Variants in CMTM8 observed in about 807,000 individuals in gnomAD.
CMTM8 encodes the protein CKLF like MARVEL transmembrane domain containing 8.
CMTM8 carries 12 observed loss-of-function variants against 18.6 expected under a neutral mutation model. The observed-to-expected ratio is 0.65, with a 90% confidence interval of 0.41 to 1.05. The LOEUF (loss-of-function observed/expected upper bound fraction) is 1.05. Ranked by LOEUF, CMTM8 falls within the 50% of genes least tolerant of loss-of-function variation. CMTM8 has a pLI of 0.00. For synonymous variants in CMTM8, 87 were observed against 90.6 expected (o/e 0.96, Z 0.23); for missense variants, 217 against 227.2 (o/e 0.95, Z 0.29).
intron 1 of CMTM8, among the ~76,000 whole-genome samples, chr3:32,272,312 T>G (rs1702451355): frequency 6.6e-6 from 1 of 152,210 alleles, no homozygotes; most frequent in African/African-American, 2.4e-5. Flanking sequence ...TATTTATCCT[T>G]GGGTTTGGTT....
At chr3:32,246,441 A>G (rs1227819944) in intron 1 of CMTM8, among the ~76,000 whole-genome samples, 4 of 152,042 alleles carry the variant, frequency 2.6e-5, no homozygotes, top group South Asian at 4.1e-4. Context: ...CCTGAGTTTG[A>G]TAACTATTCG....
intron 1 of CMTM8, among the ~76,000 whole-genome samples, chr3:32,323,872 A>G (rs1696107080): frequency 6.6e-6 from 1 of 152,236 alleles, no homozygotes; most frequent in South Asian, 2.1e-4. Flanking sequence ...TAATGGTGAT[A>G]CTTAGGACGC....
chr3:32,357,492 T>C lies in CMTM8; in HGVS notation c.267T>C (p.Ile89=). The C allele has an allele frequency of 6.2e-7, 1 of 1,614,116 alleles. No homozygotes were observed. The highest frequency in any genetic ancestry group is 8.5e-7 in the Non-Finnish European group (1 of 1,180,030). ...GGGTCCTCACCGTCTTCTTCCTCAT[T>C]ATCTACATAACAATGACCTACACCA... is the stretch of plus-strand genomic sequence containing the variant. The part of the protein sequence containing the change: ...FYWVLTVFFL[I]IYITMTYTRI... The change falls in exon 2 of 4, where the codon ATT becomes ATC. Residue 89 remains isoleucine, a synonymous_variant. Transcript: ENST00000307526.
intron 2 of CMTM8, among the ~76,000 whole-genome samples, chr3:32,366,092 T>C (rs1227496926): frequency 2.0e-5 from 3 of 152,066 alleles, no homozygotes; most frequent in Non-Finnish European, 4.4e-5. Context: ...CTTTTGGGAG[T>C]GTTAAACAAG....
At chr3:32,346,813 T>C (rs1291308518) in intron 1 of CMTM8, among the ~76,000 whole-genome samples, 1 of 92,084 alleles carries the variant, frequency 1.1e-5, no homozygotes, top group East Asian at 5.0e-4. Flanking sequence ...ATGTTATAAT[T>C]CTTTTTTTTT....
chr3:32,290,219 AAT>A (rs1474918714), intron 1 of CMTM8, among the ~76,000 whole-genome samples: 5 of 152,260 alleles, frequency 3.3e-5, no homozygotes, highest in African/African-American at 1.2e-4. Flanking sequence ...ATGATTGCTT[AAT>A]ATAAGTCATA....
rs193202781 is a variant in CMTM8 at position 32,292,823 on chromosome 3, C to T, written c.147+53704C>T. ...ATGTCTCCAGATGTTGCCAAATGCT[C>T]TGTGAAGGGCAAAATCACCTGTAGT... is the stretch of plus-strand genomic sequence containing the variant. On this transcript the variant is annotated intron_variant, in intron 1 of 3. Transcript: ENST00000307526. 2.1e-3 allele frequency among the ~76,000 whole-genome samples: 313 copies of T among 152,166 alleles called. 1 individual carries two copies. Among genetic ancestry groups the T allele is most frequent in the Non-Finnish European group, 3.6e-3 (247 of 68,012 alleles).
intron 1 of CMTM8, among the ~76,000 whole-genome samples, chr3:32,348,491 T>C (rs921790326): frequency 2.0e-5 from 3 of 147,560 alleles, no homozygotes; most frequent in African/African-American, 7.5e-5. Flanking sequence ...AGTAGCTGAT[T>C]TCTTTCCCTC....
At position 32,335,155 on chromosome 3, in the gene CMTM8, G is replaced by A. The variant is rs950888588; in HGVS notation, c.148-22218G>A. Among the ~76,000 whole-genome samples, 18 of 152,192 alleles carry A rather than the reference G, an allele frequency of 1.2e-4. 1 individual carries two copies. Among genetic ancestry groups the A allele is most frequent in the Admixed American group, 1.0e-3 (16 of 15,270 alleles). On this transcript the variant is annotated intron_variant, in intron 1 of 3. Coordinates refer to ENST00000307526, the MANE Select transcript of CMTM8 (RefSeq NM_178868.5). ...GAACTCTGTCCTGCCAGGCTCTTCC[G>A]TCAGAGATGGAAGGAAGGATCTGGC...
At chr3:32,264,777 G>A (rs7355848) in intron 1 of CMTM8, among the ~76,000 whole-genome samples, 148,968 of 152,154 alleles carry the variant, frequency 0.98, 73,001 homozygotes, top group East Asian at 1. Flanking sequence ...CAAATGGAAA[G>A]CAAAAAAAAG....
chr3:32,293,075 G>GTGTA (rs1037421580), intron 1 of CMTM8, among the ~76,000 whole-genome samples: 2 of 116,944 alleles, frequency 1.7e-5, no homozygotes, highest in African/African-American at 6.3e-5. Context: ...ATATATGTGT[G>GTGTA]TGTATATATA....
At position 32,256,409 on chromosome 3, in the gene CMTM8, G is replaced by A. The variant is rs1218499459; in HGVS notation, c.147+17290G>A. Among the ~76,000 whole-genome samples, 7 of 152,120 alleles carry A rather than the reference G, an allele frequency of 4.6e-5. No individual in the cohort carries two copies. The East Asian group carries it at 1.2e-3, about 25-fold the overall frequency. On this transcript the variant is annotated intron_variant, in intron 1 of 3. Transcript: ENST00000307526. ...TAATAAGAGACTTGATGGTCTGGTA[G>A]TATCTAAACAGGCCTGTTAGGCTCA...
chr3:32,330,153 A>G (rs1390735862), intron 1 of CMTM8, among the ~76,000 whole-genome samples: 3 of 151,644 alleles, frequency 2.0e-5, no homozygotes, highest in Admixed American at 6.6e-5. Context: ...ATTATCAAAG[A>G]TGATTCACAG....
chr3:32,259,225 G>T lies in CMTM8; in HGVS notation c.147+20106G>T, dbSNP rs1361958084. ...CACGCACAGCCTGAACGACTGCCTG[G>T]CCTCCTACCTGGACAAAGTGAAGAG... On this transcript the variant is annotated intron_variant, in intron 1 of 3. Transcript: ENST00000307526. 35 of 560,382 alleles carry T rather than the reference G, an allele frequency of 6.2e-5. No homozygotes were observed. The Admixed American group carries it at 7.9e-4, about 13-fold the overall frequency. 34.7% of individuals were successfully genotyped at this position (560,382 alleles called of 1,614,324 possible). A position where few individuals can be genotyped will look rare whatever the true frequency, so the allele number is the denominator to read the frequency against.
At chr3:32,326,688 G>A (rs1290987520) in intron 1 of CMTM8, among the ~76,000 whole-genome samples, 1 of 151,754 alleles carries the variant, frequency 6.6e-6, no homozygotes, top group Non-Finnish European at 1.5e-5. Context: ...ACTAATTTTT[G>A]TATTTTTAGT....
At chr3:32,253,829 C>T (rs1477063449) in intron 1 of CMTM8, among the ~76,000 whole-genome samples, 1 of 152,190 alleles carries the variant, frequency 6.6e-6, no homozygotes, top group African/African-American at 2.4e-5. Flanking sequence ...CCTCCCACCT[C>T]AGCCTCCCAA....
chr3:32,365,886 C>T (rs931985234), intron 2 of CMTM8, among the ~76,000 whole-genome samples: 5 of 152,182 alleles, frequency 3.3e-5, no homozygotes, highest in Admixed American at 2.6e-4. Flanking sequence ...AGCAACAAGA[C>T]CTCATGTTTC....
chr3:32,324,657 G>A (rs1468147566), intron 1 of CMTM8, among the ~76,000 whole-genome samples: 5 of 152,212 alleles, frequency 3.3e-5, no homozygotes, highest in Admixed American at 2.6e-4. Context: ...CCTTTTGGCA[G>A]CATCTTACCC....
chr3:32,261,089 G>A (rs142129943), intron 1 of CMTM8, among the ~76,000 whole-genome samples: 11 of 151,934 alleles, frequency 7.2e-5, no homozygotes, highest in African/African-American at 2.7e-4. Context: ...AGGTGTGGCG[G>A]TGCATGACTG....
Sources: gnomAD v4.1 joint callset for allele counts (sites outside exome capture counted in the v4.1 genomes callset) on GRCh38, gnomAD v4.1.1 for gene constraint, MANE v1.5 for transcripts, NCBI Gene and HGNC (gene_info 2026-07-23, HGNC 2026-07-21) for gene names.